Variants in MCM8 observed in about 807,000 individuals in gnomAD.
The protein encoded by MCM8 is DNA helicase MCM8.
In MCM8, 85 loss-of-function variants were observed where a neutral mutation model predicts 98.9. The ratio of observed to expected loss-of-function variants is 0.86; its 90% CI spans 0.72 to 1.03. The LOEUF (loss-of-function observed/expected upper bound fraction) is 1.03. Among genes scored for constraint, MCM8 ranks in the 50% least tolerant of loss-of-function variants. The pLI, the probability that MCM8 is intolerant of heterozygous loss-of-function variation, is 0.00. For missense variants in MCM8, 951 were observed against 997.8 expected, an observed-to-expected ratio of 0.95 and a Z score of 0.63; for synonymous variants, 352 against 338.6, an observed-to-expected ratio of 1.04 and a Z score of -0.44.
chr20:5,991,640 C>T (rs2089854596), intron 17 of MCM8, among the ~76,000 whole-genome samples: 1 of 152,144 alleles, frequency 6.6e-6, no homozygotes, highest in Non-Finnish European at 1.5e-5. Context: ...GATCAAGATC[C>T]AGTGAAACAC....
intron 15 of MCM8, among the ~76,000 whole-genome samples, chr20:5,985,244 G>A (rs1203439285): frequency 1.3e-5 from 2 of 152,062 alleles, no homozygotes; most frequent in South Asian, 4.1e-4. Context: ...AAGAGATCGA[G>A]ACCATCCTGG....
At chr20:5,951,768 C>G (rs1016681477) in intron 1 of MCM8, among the ~76,000 whole-genome samples, 1 of 152,088 alleles carries the variant, frequency 6.6e-6, no homozygotes, top group African/African-American at 2.4e-5. Flanking sequence ...CTGTGAGCGT[C>G]TAGTATACGT....
chr20:5,963,672 C>T lies in MCM8; in HGVS notation c.875+313C>T, dbSNP rs150449860. 6.0e-3 allele frequency among the ~76,000 whole-genome samples: 915 copies of T among 151,822 alleles called. 14 individuals carry two copies. Among genetic ancestry groups the T allele is most frequent in the African/African-American group, 0.021 (886 of 41,428 alleles). On this transcript the variant is annotated intron_variant, in intron 8 of 18. Transcript: ENST00000610722. The stretch of plus-strand genomic sequence containing the variant: ...CCTCCTGAGTAGCTGGGACTACAGG[C>T]GCCCACCACAATGCCTGGCTAATTT...
intron 12 of MCM8, among the ~76,000 whole-genome samples, chr20:5,975,646 A>G (rs578146548): frequency 3.4e-4 from 52 of 151,536 alleles, no homozygotes; most frequent in South Asian, 1.9e-3. Context: ...ACAGGCGCCC[A>G]CCACCACGCC....
In MCM8 at chr20:5,995,291, G is replaced by C. The variant is rs1422085536; in HGVS notation, c.*900G>C. The C allele has an allele frequency of 6.6e-6, 1 of 152,200 alleles. No homozygotes were observed. The highest frequency in any genetic ancestry group is 1.5e-5 in the Non-Finnish European group (1 of 68,034). 9.4% of individuals were successfully genotyped at this position (152,200 alleles called of 1,614,324 possible). A position where few individuals can be genotyped will look rare whatever the true frequency, so the allele number is the denominator to read the frequency against. ...CAATAGAAACAGACTGATTAAGCAG[G>C]AGAAGTTTTTTGAAAGAATTTTGTT... On this transcript the variant is annotated 3_prime_UTR_variant, in exon 19 of 19. Transcript: ENST00000610722.
chr20:5,972,634 A>G, intron 11 of MCM8: 1 of 566,556 alleles, frequency 1.8e-6, no homozygotes, highest in Non-Finnish European at 3.0e-6. Flanking sequence ...AGCTCACTGC[A>G]ACCTCCACCT....
chr20:5,969,241 T>C (rs1280325617), intron 10 of MCM8, among the ~76,000 whole-genome samples: 1 of 152,160 alleles, frequency 6.6e-6, no homozygotes, highest in East Asian at 1.9e-4. Context: ...GACTGAATAA[T>C]AGATATATCT....
intron 8 of MCM8, chr20:5,965,337 C>A (rs1228061685): frequency 6.6e-6 from 1 of 152,194 alleles, no homozygotes; most frequent in Non-Finnish European, 1.5e-5. Context: ...GCACAAGCCT[C>A]TGTGGATCTG....
chr20:5,970,573 G>C (rs2089381189), intron 10 of MCM8, among the ~76,000 whole-genome samples: 1 of 152,170 alleles, frequency 6.6e-6, no homozygotes, highest in Non-Finnish European at 1.5e-5. Flanking sequence ...TGCCAATGAT[G>C]CTTGTGTGGC....
chr20:5,968,293 C>T (rs1177989448), intron 10 of MCM8, among the ~76,000 whole-genome samples: 3 of 152,112 alleles, frequency 2.0e-5, no homozygotes, highest in Non-Finnish European at 4.4e-5. Context: ...GCCTGTAATC[C>T]CAGCACTTTG....
At chr20:5,960,972 C>T (rs887700272) in intron 7 of MCM8, among the ~76,000 whole-genome samples, 2 of 152,202 alleles carry the variant, frequency 1.3e-5, no homozygotes, top group African/African-American at 2.4e-5. Context: ...CCTTTTCACT[C>T]AAGCATTATA....
chr20:5,958,865 A>G, intron 7 of MCM8, 139 bp downstream of exon 7: 1 of 776,448 alleles, frequency 1.3e-6, no homozygotes, highest in Non-Finnish European at 2.0e-6. Context: ...ATATTATGAA[A>G]TACTTCAGGG....
chr20:5,957,366 A>G (rs1332089194), intron 6 of MCM8, 137 bp downstream of exon 6: 2 of 552,660 alleles, frequency 3.6e-6, no homozygotes, highest in Non-Finnish European at 6.4e-6. Context: ...TGATCATCAC[A>G]CTGAAATAAA....
chr20:5,982,747 T>A (rs2089654027), intron 13 of MCM8, among the ~76,000 whole-genome samples: 1 of 152,200 alleles, frequency 6.6e-6, no homozygotes, highest in African/African-American at 2.4e-5. Flanking sequence ...GCTGTGCGTA[T>A]GAAAAATGCT....
chr20:5,980,539 A>G (rs2089607676), intron 13 of MCM8, among the ~76,000 whole-genome samples: 1 of 152,224 alleles, frequency 6.6e-6, no homozygotes, highest in South Asian at 2.1e-4. Flanking sequence ...TAGTAATAAA[A>G]AGATGATACT....
Position 5,983,145 on chromosome 20 carries a change from A to C in MCM8, c.1713A>C (p.Lys571Asn). ...NPVGGHYNKAKTVSENLKMGS... is the reference protein window; with the variant it reads ...NPVGGHYNKANTVSENLKMGS... Reference sequence around the variant, plus strand: ...TTGGAGGACATTACAATAAAGCCAAAACAGTTTCTGAGAATTTAAAGTAAG... The same window carrying C: ...TTGGAGGACATTACAATAAAGCCAACACAGTTTCTGAGAATTTAAAGTAAG... Residue 571 changes from lysine (K) to asparagine (N), a missense_variant, in exon 14 of 19, where the codon AAA (lysine) becomes AAC (asparagine). By Grantham distance (94) the Lys-to-Asn change is moderately conservative (BLOSUM62 0). Transcript: ENST00000610722. 1.2e-6 allele frequency: 2 copies of C among 1,612,198 alleles called. No individual in the cohort carries two copies. Among genetic ancestry groups the C allele is most frequent in the Non-Finnish European group, 1.7e-6 (2 of 1,179,382 alleles).
chr20:5,994,572 G>GA lies in MCM8; in HGVS notation c.*187dup, dbSNP rs548375669. 895 of 529,760 alleles carry GA rather than the reference G, an allele frequency of 1.7e-3. 1 individual carries two copies. The highest frequency in any genetic ancestry group is 2.4e-3 in the Non-Finnish European group (724 of 301,196). The allele number at this position is 529,760 out of a possible 1,614,324, so 32.8% of individuals were successfully genotyped here. ...TGATGTCCCAAAAGTATTATAATAG[G>GA]AAAAAAGCATTAAATATAATAAACT... is the stretch of plus-strand genomic sequence containing the variant. On this transcript the variant is annotated 3_prime_UTR_variant, in exon 19 of 19. Transcript: ENST00000610722.
chr20:5,961,979 GAT>G (rs1237674295), intron 7 of MCM8, among the ~76,000 whole-genome samples: 1 of 152,146 alleles, frequency 6.6e-6, no homozygotes, highest in Non-Finnish European at 1.5e-5. Flanking sequence ...TAGTTCTCAT[GAT>G]ATCTGTGGAT....
chr20:5,983,092 A>G lies in MCM8; in HGVS notation c.1660A>G (p.Thr554Ala), dbSNP rs1487501481. ...AGVVCSLPAR[T>A]SIIAAANPVG... ...TGTGGTTTGTAGCCTTCCTGCAAGA[A>G]CTTCCATTATTGCTGCTGCAAATCC... is the stretch of plus-strand genomic sequence containing the variant. Residue 554 changes from threonine to alanine, a missense_variant, in exon 14 of 19, where the codon ACT (threonine) becomes GCT (alanine). Physicochemically the swap from Thr to Ala is moderately conservative, Grantham distance 58. Transcript: ENST00000610722. 1.2e-6 allele frequency: 2 copies of G among 1,614,182 alleles called. No homozygotes were observed. Among genetic ancestry groups the G allele is most frequent in the South Asian group, 2.2e-5 (2 of 91,086 alleles).
Sources: allele counts gnomAD v4.1 joint callset (sites outside exome capture counted in the v4.1 genomes callset), GRCh38; gene constraint gnomAD v4.1.1; transcripts MANE v1.5; gene names NCBI Gene and HGNC (gene_info 2026-07-23, HGNC 2026-07-21).